Variants in TRPM1 observed in about 807,000 individuals in gnomAD.
The protein encoded by TRPM1 is transient receptor potential cation channel subfamily M member 1, also known as TRPM1-203 APA Isoform, Intron 10.
In TRPM1, 113 loss-of-function variants were observed where a neutral mutation model predicts 149.4. The ratio of observed to expected loss-of-function variants is 0.76; its 90% CI spans 0.65 to 0.88. The LOEUF is 0.88. Ranked by LOEUF, TRPM1 falls within the 40% of genes least tolerant of loss-of-function variation. The pLI, the probability that TRPM1 is intolerant of heterozygous loss-of-function variation, is 0.00. For missense variants in TRPM1, 1,976 were observed against 2,038.7 expected, an observed-to-expected ratio of 0.97 and a Z score of 0.59; for synonymous variants, 741 against 759.5, an observed-to-expected ratio of 0.98 and a Z score of 0.40.
In TRPM1 at chr15:31,015,637, T is replaced by G. The variant is rs185636116; in HGVS notation, c.3629+10502A>C. Among the ~76,000 whole-genome samples the G allele has an allele frequency of 4.2e-3, 633 of 152,284 alleles. 7 individuals are homozygous for G. Among genetic ancestry groups the G allele is most frequent in the Admixed American group, 5.9e-3 (90 of 15,308 alleles). ...AGATAAAAACACAATTTCATTGCAG[T>G]GTTGAATGCAATGAACAAACCAAAG... On this transcript the variant is annotated intron_variant, in intron 27 of 27. Transcript: ENST00000256552.
At chr15:31,093,671 G>A (rs1438849712) in intron 1 of TRPM1, among the ~76,000 whole-genome samples, 1 of 151,592 alleles carries the variant, frequency 6.6e-6, no homozygotes, top group Admixed American at 6.6e-5. Flanking sequence ...GCATGATCTC[G>A]GCTCACTGCA....
intron 1 of TRPM1, among the ~76,000 whole-genome samples, chr15:31,109,740 G>A (rs1219390650): frequency 6.6e-6 from 1 of 151,560 alleles, no homozygotes; most frequent in African/African-American, 2.4e-5. Flanking sequence ...GCTTCAAACT[G>A]AGCATATAGT....
At chr15:31,051,808 A>G (rs971882136) in intron 11 of TRPM1, among the ~76,000 whole-genome samples, 1 of 152,090 alleles carries the variant, frequency 6.6e-6, no homozygotes, top group Non-Finnish European at 1.5e-5. Flanking sequence ...GCATGTCTCA[A>G]AGACATGCAG....
intron 8 of TRPM1, 75 bp from the exon 9 acceptor site, chr15:31,062,777 T>G: frequency 6.5e-7 from 1 of 1,540,132 alleles, no homozygotes; most frequent in Non-Finnish European, 8.9e-7. Flanking sequence ...CATATCTCTG[T>G]CTTTGATTTG....
At chr15:31,122,295 C>T (rs1596085937) in intron 1 of TRPM1, among the ~76,000 whole-genome samples, 2 of 152,126 alleles carry the variant, frequency 1.3e-5, no homozygotes, top group East Asian at 3.8e-4. Flanking sequence ...TCCCCTCCTA[C>T]TACTCCTTTT....
intron 11 of TRPM1, among the ~76,000 whole-genome samples, chr15:31,058,902 T>C (rs2034153920): frequency 6.6e-6 from 1 of 152,026 alleles, no homozygotes; most frequent in African/African-American, 2.4e-5. Context: ...GCCGACATGG[T>C]GAAACCCTGT....
At chr15:31,093,479 T>G (rs749775056) in intron 1 of TRPM1, among the ~76,000 whole-genome samples, 1 of 152,118 alleles carries the variant, frequency 6.6e-6, no homozygotes, top group Non-Finnish European at 1.5e-5. Context: ...GTGAAGGCCT[T>G]GTACACTGAA....
chr15:31,118,596 A>G (rs1397733063), intron 1 of TRPM1, among the ~76,000 whole-genome samples: 3 of 152,172 alleles, frequency 2.0e-5, no homozygotes, highest in Non-Finnish European at 4.4e-5. Flanking sequence ...TATTTCTCAC[A>G]GTTCTCAGGC....
intron 15 of TRPM1, among the ~76,000 whole-genome samples, chr15:31,046,525 G>A (rs1330345667): frequency 6.6e-6 from 1 of 152,200 alleles, no homozygotes; most frequent in Non-Finnish European, 1.5e-5. Context: ...TAAGGTGGGT[G>A]TGAGAGGAGG....
chr15:31,160,653 G>A (rs897505979), intron 1 of TRPM1, among the ~76,000 whole-genome samples: 4 of 152,218 alleles, frequency 2.6e-5, no homozygotes, highest in Non-Finnish European at 4.4e-5. Context: ...CGCCTCCCGG[G>A]TTTGCCACAG....
intron 8 of TRPM1, 33 bp from the exon 9 acceptor site, chr15:31,062,735 G>C (rs780078300): frequency 6.2e-6 from 10 of 1,611,672 alleles, no homozygotes; most frequent in Non-Finnish European, 5.9e-6. Context: ...AACAAAACAA[G>C]GCAAGTTAAA....
Position 31,161,086 on chromosome 15 carries a change from G to A in TRPM1, c.-127C>T, listed in dbSNP as rs1395521175. The A allele has an allele frequency of 1.0e-5, 10 of 964,636 alleles. 1 individual carries two copies. The Admixed American group carries it at 1.2e-4, about 12-fold the overall frequency. The allele number at this position is 964,636 out of a possible 1,614,324, so 59.8% of individuals were successfully genotyped here. A position where few individuals can be genotyped will look rare whatever the true frequency, so the allele number is the denominator to read the frequency against. ...ACTCGGCGGCAGCCCCACACTCGGC[G>A]GCAGCCCCACGCACTGGGCGAGGGG... On this transcript the variant is annotated 5_prime_UTR_variant, in exon 1 of 27. Coordinates refer to the TRPM1 transcript ENST00000542188.
At chr15:31,068,231 G>C in intron 4 of TRPM1, 139 bp from the exon 5 acceptor site, 1 of 789,222 alleles carries the variant, frequency 1.3e-6, no homozygotes, top group Non-Finnish European at 2.2e-6. Context: ...CTCTGTGTGA[G>C]TCTGTGGCCA....
intron 1 of TRPM1, among the ~76,000 whole-genome samples, chr15:31,160,017 C>G (rs550159834): frequency 6.6e-6 from 1 of 152,086 alleles, no homozygotes; most frequent in Non-Finnish European, 1.5e-5. Context: ...CTTGCTGCCT[C>G]CCCCCACCCT....
chr15:31,099,709 A>G (rs1171902059), intron 1 of TRPM1, among the ~76,000 whole-genome samples: 1 of 152,238 alleles, frequency 6.6e-6, no homozygotes, highest in Non-Finnish European at 1.5e-5. Context: ...TACAGCAAAC[A>G]CATTCAACAT....
intron 23 of TRPM1, 59 bp downstream of exon 23, chr15:31,030,924 G>T: frequency 6.3e-7 from 1 of 1,591,322 alleles, no homozygotes; most frequent in Non-Finnish European, 8.6e-7. Context: ...CATTAATTTG[G>T]AACTGATCAT....
intron 16 of TRPM1, among the ~76,000 whole-genome samples, 195 bp downstream of exon 16, chr15:31,045,998 CTGTGGTTTTGT>C (rs2140935094): frequency 6.6e-6 from 1 of 152,196 alleles, no homozygotes; most frequent in South Asian, 2.1e-4. Flanking sequence ...GCTTTTGAAA[CTGTGGTTTTGT>C]TAGTTCTAGA....
intron 11 of TRPM1, among the ~76,000 whole-genome samples, chr15:31,051,403 C>T (rs55941571): frequency 0.037 from 5,633 of 152,306 alleles, 345 homozygotes; most frequent in African/African-American, 0.13. Flanking sequence ...CTCTCCTGCA[C>T]GCACCCTGCT....
chr15:31,092,111 G>A (rs987689951), intron 1 of TRPM1, among the ~76,000 whole-genome samples: 5 of 151,204 alleles, frequency 3.3e-5, no homozygotes, highest in Non-Finnish European at 7.4e-5. Flanking sequence ...CTCTTGAGGG[G>A]TGGGGTGGGG....
Sources: allele counts gnomAD v4.1 joint callset (sites outside exome capture counted in the v4.1 genomes callset), GRCh38; gene constraint gnomAD v4.1.1; transcripts MANE v1.5; gene names NCBI Gene and HGNC (gene_info 2026-07-23, HGNC 2026-07-21).